The following MAPKBP1 variants were observed in gnomAD, a reference collection of about 807,000 sequenced individuals.
The protein encoded by MAPKBP1 is mitogen-activated protein kinase-binding protein 1.
Under a neutral mutation model 170.5 loss-of-function variants are expected in MAPKBP1, and 71 were observed. The observed-to-expected ratio is 0.42, with a 90% CI of 0.34 to 0.51. The LOEUF is 0.51. Ranked by LOEUF, MAPKBP1 falls within the 20% of genes least tolerant of loss-of-function variation. The pLI is 0.06. For missense variants in MAPKBP1, 1,598 were observed against 1,933.0 expected (o/e 0.83, Z 3.25); for synonymous variants, 719 against 757.9 (o/e 0.95, Z 0.84).
intron 2 of MAPKBP1, among the ~76,000 whole-genome samples, chr15:41,799,335 G>A (rs2064549308): frequency 6.6e-6 from 1 of 152,116 alleles, no homozygotes; most frequent in Admixed American, 6.6e-5. Flanking sequence ...ATGATAGAAT[G>A]CAAAGGTCAG....
chr15:41,812,481 C>G (rs2064822167), intron 6 of MAPKBP1, 35 bp from the exon 7 acceptor site: 1 of 1,614,062 alleles, frequency 6.2e-7, no homozygotes. Flanking sequence ...CTCCAAGAGA[C>G]AGAGCCTTGA....
At chr15:41,813,955 C>T (rs1173781186) in intron 9 of MAPKBP1, among the ~76,000 whole-genome samples, 174 bp downstream of exon 9, 1 of 152,128 alleles carries the variant, frequency 6.6e-6, no homozygotes, top group African/African-American at 2.4e-5. Context: ...CAAGGAGACC[C>T]CACCCCATGG....
At position 41,814,749 on chromosome 15, in the gene MAPKBP1, C is replaced by T. The variant is rs754193734; in HGVS notation, c.1170+10C>T. On this transcript the variant is annotated intron_variant, in intron 10 of 30. Coordinates refer to ENST00000457542, the MANE Select transcript of MAPKBP1 (RefSeq NM_014994.3). Reference sequence around the variant, plus strand: ...CGTCTGGAGTGTGGAGGTATGTGGGCTGGCTGGCTGGCTGGAGACTGGCCA... The same window carrying T: ...CGTCTGGAGTGTGGAGGTATGTGGGTTGGCTGGCTGGCTGGAGACTGGCCA... 5.6e-6 allele frequency: 9 copies of T among 1,610,144 alleles called. No homozygotes were observed. In the South Asian group the frequency reaches 8.8e-5, roughly 16 times the overall value.
intron 30 of MAPKBP1, among the ~76,000 whole-genome samples, chr15:41,824,906 C>T (rs2140859711): frequency 6.6e-6 from 1 of 152,216 alleles, no homozygotes; most frequent in East Asian, 1.9e-4. Flanking sequence ...ATTATTTGGC[C>T]CCCTTAGACA....
intron 3 of MAPKBP1, among the ~76,000 whole-genome samples, chr15:41,809,438 C>A (rs1172758774): frequency 6.6e-6 from 1 of 152,204 alleles, no homozygotes; most frequent in Admixed American, 6.5e-5. Flanking sequence ...GCCCAAGATG[C>A]TTAGCCCTCA....
At chr15:41,794,938 G>A (rs1446093613) in intron 2 of MAPKBP1, among the ~76,000 whole-genome samples, 2 of 152,146 alleles carry the variant, frequency 1.3e-5, no homozygotes, top group African/African-American at 4.8e-5. Flanking sequence ...GCCGAGGCGG[G>A]CAGATCACTT....
intron 2 of MAPKBP1, among the ~76,000 whole-genome samples, chr15:41,789,299 A>T (rs1239297382): frequency 6.6e-6 from 1 of 152,026 alleles, no homozygotes; most frequent in African/African-American, 2.4e-5. Context: ...GAGGAAAAAA[A>T]AAAACTACAA....
Position 41,812,263 on chromosome 15 carries a change from A to G in MAPKBP1, c.498+136A>G. On this transcript the variant is annotated intron_variant, in intron 6 of 30. Coordinates refer to ENST00000457542, the MANE Select transcript of MAPKBP1 (RefSeq NM_014994.3). ...CATTCTAGAAAGTTATTTGAAGCAG[A>G]AAAGAGCAACTGTGTGGCCAAGCAT... 2.2e-6 allele frequency: 3 copies of G among 1,337,300 alleles called. No homozygotes were observed. The South Asian group carries it at 4.1e-5, about 18-fold the overall frequency. 82.8% of individuals were successfully genotyped at this position (1,337,300 alleles called of 1,614,324 possible).
At position 41,816,669 on chromosome 15, in the gene MAPKBP1, ATGGCACAGGGCTCCTCCAGTCCTGCCGG is replaced by A. The variant is rs779648584; in HGVS notation, c.1585+22_1585+49del. The A allele has an allele frequency of 1.9e-6, 3 of 1,606,938 alleles. No individual in the cohort carries two copies. In the South Asian group the frequency reaches 3.3e-5, roughly 18 times the overall value. Reference sequence around the variant, plus strand: ...GACACAGGTTAGGAGAATGCCCGGAATGGCACAGGGCTCCTCCAGTCCTGCCGGTGCCACTTATATCTGTCCCGGCTCT... The same window carrying A: ...GACACAGGTTAGGAGAATGCCCGGAATGCCACTTATATCTGTCCCGGCTCT... On this transcript the variant is annotated intron_variant, in intron 13 of 30. Transcript: ENST00000457542.
chr15:41,774,763 G>A (rs1395902008), intron 1 of MAPKBP1, 153 bp downstream of exon 1: 4 of 400,442 alleles, frequency 1.0e-5, no homozygotes, highest in Non-Finnish European at 1.8e-5. Flanking sequence ...ACGAGTTGTG[G>A]GCTACGGCGA....
In MAPKBP1 at chr15:41,818,105, C is replaced by T. The variant is rs1354510015; in HGVS notation, c.1980+21C>T. ...TTAAGGTAAGGACCCAGAGGGGGTA[C>T]TGGACAGGGGCTCGGGGACAGAGTG... is the stretch of plus-strand genomic sequence containing the variant. On this transcript the variant is annotated intron_variant, in intron 17 of 30. Transcript: ENST00000457542. The surrounding 1 kb of genome is among the most constrained non-coding windows in gnomAD (Gnocchi z 5.2). The T allele has an allele frequency of 3.7e-6, 6 of 1,613,470 alleles. No individual in the cohort carries two copies. Among genetic ancestry groups the T allele is most frequent in the Non-Finnish European group, 2.5e-6 (3 of 1,179,408 alleles).
chr15:41,786,479 G>C (rs934839169), intron 2 of MAPKBP1, among the ~76,000 whole-genome samples: 3 of 151,658 alleles, frequency 2.0e-5, no homozygotes, highest in African/African-American at 7.3e-5. Context: ...AATATATCTG[G>C]TATAGCCGGG....
chr15:41,804,046 G>A (rs2064648586), intron 3 of MAPKBP1, among the ~76,000 whole-genome samples: 1 of 152,166 alleles, frequency 6.6e-6, no homozygotes, highest in Non-Finnish European at 1.5e-5. Flanking sequence ...CTCCATGTTG[G>A]TCAGGCTGGT....
chr15:41,811,228 C>G lies in MAPKBP1; in HGVS notation c.320C>G (p.Thr107Ser). The G allele has an allele frequency of 6.2e-7, 1 of 1,614,246 alleles. No individual in the cohort carries two copies. Among genetic ancestry groups the G allele is most frequent in the East Asian group, 2.2e-5 (1 of 44,890 alleles). Reference sequence around the variant, plus strand: ...TCCCCTGATGGCAAGTACTTGGTCACTGGAGAGGTGAGTGAGGAAGAGGGC... The same window carrying G: ...TCCCCTGATGGCAAGTACTTGGTCAGTGGAGAGGTGAGTGAGGAAGAGGGC... ...AFSPDGKYLV[T>S]GESGHMPAVR... The change falls in exon 5 of 31, where the codon ACT becomes AGT. Residue 107 changes from threonine to serine, a missense_variant. Around this residue, in one of 6 missense-constraint regions of MAPKBP1, gnomAD observed 151 missense variants for 191.4 expected, o/e 0.79. Transcript: ENST00000457542.
chr15:41,790,192 T>A lies in MAPKBP1; in HGVS notation c.115-9631T>A, dbSNP rs919030862. Among the ~76,000 whole-genome samples the A allele has an allele frequency of 2.0e-5, 3 of 152,176 alleles. No individual in the cohort carries two copies. In the South Asian group the frequency reaches 6.2e-4, roughly 32 times the overall value. Reference sequence around the variant, plus strand: ...CCAGACCTTTTGTACCCCCGGTGCGTTCTTGTAAAATACTTGGAACACTGG... The same window carrying A: ...CCAGACCTTTTGTACCCCCGGTGCGATCTTGTAAAATACTTGGAACACTGG... On this transcript the variant is annotated intron_variant, in intron 2 of 30. Transcript: ENST00000457542.
At chr15:41,796,370 G>A (rs1345208525) in intron 2 of MAPKBP1, among the ~76,000 whole-genome samples, 1 of 152,230 alleles carries the variant, frequency 6.6e-6, no homozygotes, top group African/African-American at 2.4e-5. Flanking sequence ...AAGGTTATCA[G>A]AGGGAGAGTC....
In MAPKBP1 at chr15:41,815,244, C is replaced by G. The variant is rs1446148481; in HGVS notation, c.1171-15C>G. On this transcript the variant is annotated splice_polypyrimidine_tract_variant and intron_variant, in intron 10 of 30. Coordinates refer to ENST00000457542, the MANE Select transcript of MAPKBP1 (RefSeq NM_014994.3). ...CCCGAATGGAGGTCTGATTGTGTTC[C>G]CTCGGCCTCTTCAGGTCTACCCCGA... The G allele has an allele frequency of 6.2e-7, 1 of 1,614,092 alleles. No individual in the cohort carries two copies. The highest frequency in any genetic ancestry group is 1.7e-5 in the Admixed American group (1 of 60,018).
chr15:41,812,626 G>T lies in MAPKBP1; in HGVS notation c.609G>T (p.Trp203Cys). 1.2e-6 allele frequency: 2 copies of T among 1,611,950 alleles called. No individual in the cohort carries two copies. The highest frequency in any genetic ancestry group is 1.7e-6 in the Non-Finnish European group (2 of 1,178,660). The change falls in exon 7 of 31, where the codon TGG (tryptophan) becomes TGT (cysteine). Residue 203 changes from tryptophan (W) to cysteine (C), a missense_variant. Transcript: ENST00000457542. ...CAGGCAACCGACACATCAAATTCTG[G>T]TATCTCGATGACAGCAAGACCTCAA... The part of the protein sequence containing the change: ...VTAGNRHIKF[W>C]YLDDSKTSKV...
intron 3 of MAPKBP1, among the ~76,000 whole-genome samples, chr15:41,809,118 T>A (rs551978147): frequency 6.7e-6 from 1 of 149,444 alleles, no homozygotes; most frequent in South Asian, 2.1e-4. Context: ...CAGGGTGGCA[T>A]GAGCCTGTAA....
Sources: gnomAD v4.1 joint callset for allele counts (sites outside exome capture counted in the v4.1 genomes callset) on GRCh38, gnomAD v4.1.1 for gene constraint, gnomAD v4.1.1 regional missense constraint, Gnocchi (gnomAD v3.1) non-coding constraint, MANE v1.5 for transcripts, NCBI Gene and HGNC (gene_info 2026-07-23, HGNC 2026-07-21) for gene names.